Variants in SMAGP observed in about 807,000 individuals in gnomAD.
SMAGP encodes the protein small cell transmembrane and glycosylated protein.
A neutral mutation model predicts 10.1 loss-of-function variants in SMAGP; 7 were observed. The observed-to-expected ratio is 0.70, with a 90% CI of 0.40 to 1.31. The LOEUF (loss-of-function observed/expected upper bound fraction) is 1.31. Among genes scored for constraint, SMAGP ranks in the 50% most tolerant of loss-of-function variants. The pLI is 0.01. For missense variants in SMAGP, 113 were observed against 116.5 expected (o/e 0.97, Z 0.14); for synonymous variants, 49 against 47.2 (o/e 1.04, Z -0.16).
At position 51,264,978 on chromosome 12, in the gene SMAGP, C is replaced by T. The variant is rs142114729; in HGVS notation, c.34+4267G>A. On this transcript the variant is annotated intron_variant, in intron 2 of 3. Coordinates refer to ENST00000603798, the MANE Select transcript of SMAGP (RefSeq NM_001031628.2). Reference sequence around the variant, plus strand: ...AGAAAGAGAGAGAGGACTGATTCAACGATCAATTTTTTAAAAAAAATTTTT... The same window carrying T: ...AGAAAGAGAGAGAGGACTGATTCAATGATCAATTTTTTAAAAAAAATTTTT... 7.8e-4 allele frequency among the ~76,000 whole-genome samples: 113 copies of T among 145,452 alleles called. No homozygotes were observed. The Middle Eastern group carries it at 0.011, about 14-fold the overall frequency.
chr12:51,246,851 G>C lies in SMAGP; in HGVS notation c.35-20C>G, dbSNP rs1392500057. 1.3e-6 allele frequency: 2 copies of C among 1,528,782 alleles called. No homozygotes were observed. The highest frequency in any genetic ancestry group is 1.7e-4 in the Middle Eastern group (1 of 5,860). The allele number at this position is 1,528,782 out of a possible 1,614,324, so 94.7% of individuals were successfully genotyped here. On this transcript the variant is annotated intron_variant, in intron 2 of 3. Transcript: ENST00000603798. The stretch of plus-strand genomic sequence containing the variant: ...GTTCTTCTGGAAAATGTAGAAAAGT[G>C]GAAAAGGAAATGGAGTGAATTCTTT...
chr12:51,255,857 C>T (rs557060051), intron 2 of SMAGP, among the ~76,000 whole-genome samples: 9 of 152,190 alleles, frequency 5.9e-5, no homozygotes, highest in East Asian at 3.9e-4. Context: ...TTGCAGCCTC[C>T]GCCTCCCGGG....
In SMAGP at chr12:51,244,896, C is replaced by A. The variant is rs1158949658; in HGVS notation, c.*1045G>T. 1 of 144,176 alleles carries A rather than the reference C, an allele frequency of 6.9e-6. No individual in the cohort carries two copies. Among genetic ancestry groups the A allele is most frequent in the Admixed American group, 7.5e-5 (1 of 13,368 alleles). 8.9% of individuals were successfully genotyped at this position (144,176 alleles called of 1,614,324 possible). A position where few individuals can be genotyped will look rare whatever the true frequency, so the allele number is the denominator to read the frequency against. ...CTGGAGTATAGTGGTGCAATCTCAGCTCACTGCAAGCTCCGCCTCCTGGGT... is the reference window on the plus strand; with the variant it reads ...CTGGAGTATAGTGGTGCAATCTCAGATCACTGCAAGCTCCGCCTCCTGGGT... On this transcript the variant is annotated 3_prime_UTR_variant, in exon 4 of 4. Transcript: ENST00000603798.
chr12:51,269,328 G>C lies in SMAGP; in HGVS notation c.-38-12C>G. On this transcript the variant is annotated splice_polypyrimidine_tract_variant and intron_variant, in intron 1 of 3. Transcript: ENST00000603798. ...GAGAAGAGGCAGATCTGTAGGAAGA[G>C]GGGCAAAGACAGGAATGTAGCGGGT... 1 of 1,610,066 alleles carries C rather than the reference G, an allele frequency of 6.2e-7. No homozygotes were observed. The highest frequency in any genetic ancestry group is 8.5e-7 in the Non-Finnish European group (1 of 1,176,416).
chr12:51,253,651 T>C (rs74972693), intron 2 of SMAGP: 15,066 of 151,950 alleles, frequency 0.099, 942 homozygotes, highest in East Asian at 0.24. Flanking sequence ...ACAACATGGA[T>C]GAACCTTGAG....
At chr12:51,246,641 A>G (rs1944776262) in intron 3 of SMAGP, 110 bp downstream of exon 3, 1 of 389,596 alleles carries the variant, frequency 2.6e-6, no homozygotes, top group East Asian at 5.6e-5. Context: ...TGTGTGTGTA[A>G]TATAACTTAC....
intron 2 of SMAGP, among the ~76,000 whole-genome samples, chr12:51,261,092 ATTTT>A: frequency 9.0e-6 from 1 of 110,798 alleles, no homozygotes; most frequent in Non-Finnish European, 1.7e-5. Context: ...CCCAGCCTTA[ATTTT>A]TTTTTTTTTT....
chr12:51,254,064 G>A (rs1306078032), intron 2 of SMAGP, among the ~76,000 whole-genome samples: 1 of 152,118 alleles, frequency 6.6e-6, no homozygotes, highest in Non-Finnish European at 1.5e-5. Flanking sequence ...TTTTAGTTTG[G>A]GAGGATGAAA....
intron 2 of SMAGP, among the ~76,000 whole-genome samples, chr12:51,261,606 T>C (rs1405937331): frequency 1.3e-5 from 2 of 152,158 alleles, no homozygotes; most frequent in African/African-American, 2.4e-5. Flanking sequence ...AAAAGCTACG[T>C]AGCATCTTGG....
chr12:51,252,182 C>A (rs1313240500), intron 2 of SMAGP, among the ~76,000 whole-genome samples: 1 of 151,320 alleles, frequency 6.6e-6, no homozygotes, highest in African/African-American at 2.4e-5. Flanking sequence ...CAACCTCTGT[C>A]TCCCAGGTTC....
intron 2 of SMAGP, among the ~76,000 whole-genome samples, chr12:51,252,771 G>C (rs1321214312): frequency 6.6e-6 from 1 of 152,214 alleles, no homozygotes; most frequent in Non-Finnish European, 1.5e-5. Flanking sequence ...GGTCAGGTTG[G>C]AGGTAACAGA....
intron 2 of SMAGP, among the ~76,000 whole-genome samples, chr12:51,268,586 T>TACTTTCCTCCCTCCTCCCTC (rs1944997617): frequency 2.2e-5 from 3 of 138,010 alleles, no homozygotes; most frequent in African/African-American, 8.1e-5. Flanking sequence ...TCCTTTCCTT[T>TACTTTCCTCCCTCCTCCCTC]CCTCCCTCCC....
At position 51,252,338 on chromosome 12, in the gene SMAGP, C is replaced by T. The variant is rs544875256; in HGVS notation, c.35-5507G>A. On this transcript the variant is annotated intron_variant, in intron 2 of 3. Transcript: ENST00000603798. ...CTTGATCTCCTGACCTCGTGATCTG[C>T]CCGCCTCGGCCTCCCAAAGTGCTGG... Among the ~76,000 whole-genome samples, 9 of 151,700 alleles carry T rather than the reference C, an allele frequency of 5.9e-5. No homozygotes were observed. In the South Asian group the frequency reaches 1.9e-3, roughly 32 times the overall value.
Position 51,248,399 on chromosome 12 carries a change from T to TACAC in SMAGP, c.35-1572_35-1569dup, listed in dbSNP as rs71443213. Among the ~76,000 whole-genome samples, 223 of 132,320 alleles carry TACAC rather than the reference T, an allele frequency of 1.7e-3. 1 individual carries two copies. Among genetic ancestry groups the TACAC allele is most frequent in the East Asian group, 5.6e-3 (24 of 4,292 alleles). The allele number at this position is 132,320 out of a possible 152,430, so 86.8% of individuals were successfully genotyped here. ...TGGGCGAATGGTTACTGTGGTGTTT[T>TACAC]ACACACACACACACACACACACACA... On this transcript the variant is annotated intron_variant, in intron 2 of 3. Transcript: ENST00000603798.
intron 2 of SMAGP, among the ~76,000 whole-genome samples, chr12:51,260,673 C>A (rs1446340074): frequency 1.2e-4 from 17 of 143,824 alleles, no homozygotes; most frequent in African/African-American, 4.2e-4. Flanking sequence ...CCACCGCGCC[C>A]GGCCAATTTT....
intron 1 of SMAGP, 44 bp from the exon 2 acceptor site, chr12:51,269,360 C>A: frequency 6.5e-7 from 1 of 1,547,942 alleles, no homozygotes; most frequent in Non-Finnish European, 8.9e-7. Flanking sequence ...GGGTGGGCCC[C>A]TATGGCTTTG....
chr12:51,259,925 C>T lies in SMAGP; in HGVS notation c.34+9320G>A, dbSNP rs146515184. 8.8e-3 allele frequency among the ~76,000 whole-genome samples: 1,345 copies of T among 152,058 alleles called. 23 individuals carry two copies. Among genetic ancestry groups the T allele is most frequent in the African/African-American group, 0.03 (1,256 of 41,468 alleles). On this transcript the variant is annotated intron_variant, in intron 2 of 3. Coordinates refer to ENST00000603798, the MANE Select transcript of SMAGP (RefSeq NM_001031628.2). The stretch of plus-strand genomic sequence containing the variant: ...AGAGGGAGTCTTGCTATGTTGCCCA[C>T]GCTGGTCTTGAACTCCTGGCCTTAA...
At chr12:51,259,288 A>T (rs1312147551) in intron 2 of SMAGP, among the ~76,000 whole-genome samples, 2 of 152,082 alleles carry the variant, frequency 1.3e-5, no homozygotes, top group Non-Finnish European at 2.9e-5. Context: ...CAATTTTAAA[A>T]TTTTTTGTAC....
Position 51,267,676 on chromosome 12 carries a change from G to A in SMAGP, c.34+1569C>T, listed in dbSNP as rs577599066. ...GCCCGGCTAATTTTTAAATTTTTTTGTAGAGATGGGGTTTCGCCATGTTGC... is the reference window on the plus strand; with the variant it reads ...GCCCGGCTAATTTTTAAATTTTTTTATAGAGATGGGGTTTCGCCATGTTGC... On this transcript the variant is annotated intron_variant, in intron 2 of 3. Coordinates refer to ENST00000603798, the MANE Select transcript of SMAGP (RefSeq NM_001031628.2). 2.6e-5 allele frequency among the ~76,000 whole-genome samples: 4 copies of A among 152,010 alleles called. No homozygotes were observed. The East Asian group carries it at 7.7e-4, about 29-fold the overall frequency.
Sources: gnomAD v4.1 joint callset for allele counts (sites outside exome capture counted in the v4.1 genomes callset) on GRCh38, gnomAD v4.1.1 for gene constraint, MANE v1.5 for transcripts, NCBI Gene and HGNC (gene_info 2026-07-23, HGNC 2026-07-21) for gene names.